Variants in PALD1 observed in about 807,000 individuals in gnomAD.
The protein encoded by PALD1 is paladin.
PALD1 carries 57 observed loss-of-function variants against 96.0 expected under a neutral mutation model. That is an observed-to-expected ratio of 0.59 (90% CI 0.48 to 0.74). The LOEUF is 0.74. PALD1 is among the 30% of genes least tolerant of loss of function. The probability of loss-of-function intolerance (pLI) is 0.00; values close to 1 mark genes in which losing one functional copy is unlikely to be tolerated. For missense variants in PALD1, 1,063 were observed against 1,143.7 expected (o/e 0.93, Z 1.02); for synonymous variants, 464 against 473.6 (o/e 0.98, Z 0.26).
chr10:70,530,636 G>T (rs1846972797), intron 4 of PALD1, among the ~76,000 whole-genome samples: 1 of 152,140 alleles, frequency 6.6e-6, no homozygotes, highest in Non-Finnish European at 1.5e-5. Flanking sequence ...TAGGACACAG[G>T]CTGAGGGTCT....
At position 70,539,802 on chromosome 10, in the gene PALD1, A is replaced by G. The variant is rs766269168; in HGVS notation, c.1908+40A>G. On this transcript the variant is annotated intron_variant, in intron 15 of 19. Transcript: ENST00000263563. This position sits in a 1 kb window ranked among gnomAD's most constrained non-coding sequence, Gnocchi z 4.5. The stretch of plus-strand genomic sequence containing the variant: ...CAGGCTGAGGCCTCTGGGGAGGGAC[A>G]GGAGGCCTCCCTGTCTCCCCTCTGG... The G allele has an allele frequency of 2.7e-6, 4 of 1,508,644 alleles. No homozygotes were observed. The South Asian group carries it at 4.6e-5, about 17-fold the overall frequency. The allele number at this position is 1,508,644 out of a possible 1,614,324, so 93.5% of individuals were successfully genotyped here.
At chr10:70,509,388 A>G (rs1296557734) in intron 1 of PALD1, among the ~76,000 whole-genome samples, 4 of 152,192 alleles carry the variant, frequency 2.6e-5, no homozygotes, top group South Asian at 2.1e-4. Context: ...TCCCTTCCTC[A>G]TAAGGTTGTC....
At chr10:70,526,272 A>C in intron 2 of PALD1, 136 bp downstream of exon 2, 1 of 681,564 alleles carries the variant, frequency 1.5e-6, no homozygotes, top group South Asian at 1.8e-5. Flanking sequence ...ACTGAGGCCC[A>C]GGGAGATGAA....
intron 18 of PALD1, among the ~76,000 whole-genome samples, chr10:70,555,739 C>T (rs556009335): frequency 6.6e-6 from 1 of 152,250 alleles, no homozygotes. Flanking sequence ...CAGTGGCTCC[C>T]GCCTGTAATC....
chr10:70,542,947 GT>G (rs201346586), intron 17 of PALD1, among the ~76,000 whole-genome samples: 30 of 150,814 alleles, frequency 2.0e-4, no homozygotes, highest in African/African-American at 6.8e-4. Flanking sequence ...TCTTTTTTCT[GT>G]TTTTTTTAGA....
intron 1 of PALD1, among the ~76,000 whole-genome samples, chr10:70,506,476 T>C (rs1846394017): frequency 6.6e-6 from 1 of 152,214 alleles, no homozygotes; most frequent in South Asian, 2.1e-4. Context: ...AGATGACAGA[T>C]GCACGGCTGA....
chr10:70,495,149 C>T (rs758383087), intron 1 of PALD1, among the ~76,000 whole-genome samples: 5 of 152,354 alleles, frequency 3.3e-5, no homozygotes, highest in Non-Finnish European at 4.4e-5. Flanking sequence ...CCTCTGCTGC[C>T]GGGCATGTGT....
At chr10:70,545,434 G>T (rs1847342473) in intron 17 of PALD1, among the ~76,000 whole-genome samples, 1 of 152,006 alleles carries the variant, frequency 6.6e-6, no homozygotes. Context: ...AAGGGGGATG[G>T]GGGTCTGGAT....
At chr10:70,551,598 G>A (rs996116433) in intron 18 of PALD1, among the ~76,000 whole-genome samples, 1 of 152,054 alleles carries the variant, frequency 6.6e-6, no homozygotes, top group Non-Finnish European at 1.5e-5. Flanking sequence ...TCACTCCCCA[G>A]AGCCCCCAAA....
intron 1 of PALD1, among the ~76,000 whole-genome samples, chr10:70,509,703 G>A (rs894357978): frequency 2.0e-5 from 3 of 152,202 alleles, no homozygotes; most frequent in Non-Finnish European, 4.4e-5. Flanking sequence ...GGTGAGGGCA[G>A]GGAAGGGCCT....
chr10:70,542,351 A>G (rs1847268437), intron 17 of PALD1, among the ~76,000 whole-genome samples: 1 of 152,214 alleles, frequency 6.6e-6, no homozygotes. Flanking sequence ...TGTTAAGTAC[A>G]TTCACGTTGT....
the PALD1 span, among the ~76,000 whole-genome samples, chr10:70,459,934 C>T: frequency 6.6e-6 from 1 of 152,218 alleles, no homozygotes; most frequent in Non-Finnish European, 1.5e-5. Flanking sequence ...CCTACACTCC[C>T]CGCTTCACGG....
intron 1 of PALD1, among the ~76,000 whole-genome samples, chr10:70,490,933 C>T (rs1311457824): frequency 6.6e-6 from 1 of 152,080 alleles, no homozygotes; most frequent in Admixed American, 6.6e-5. Context: ...TTATTGAAAT[C>T]TGCTTGTAGT....
intron 18 of PALD1, among the ~76,000 whole-genome samples, chr10:70,562,479 G>A (rs1847761440): frequency 6.6e-6 from 1 of 152,228 alleles, no homozygotes; most frequent in Non-Finnish European, 1.5e-5. Flanking sequence ...CCACCCTGGG[G>A]CTAAGGAGGA....
intron 2 of PALD1, among the ~76,000 whole-genome samples, chr10:70,527,062 T>C (rs1246906952): frequency 6.6e-6 from 1 of 152,160 alleles, no homozygotes; most frequent in South Asian, 2.1e-4. Context: ...GGATGTCATA[T>C]AAAAGAGACT....
In PALD1 at chr10:70,531,279, G is replaced by A. The variant is rs368754253; in HGVS notation, c.469-11G>A. ...TGATGATGGCTTCCTTCCCCCTCGGGCTCCTGGCAGGAGTGTGTCATCTTC... is the reference window on the plus strand; with the variant it reads ...TGATGATGGCTTCCTTCCCCCTCGGACTCCTGGCAGGAGTGTGTCATCTTC... On this transcript the variant is annotated splice_polypyrimidine_tract_variant and intron_variant, in intron 4 of 19. Transcript: ENST00000263563. The A allele has an allele frequency of 1.0e-5, 16 of 1,606,388 alleles. No individual in the cohort carries two copies. Among genetic ancestry groups the A allele is most frequent in the Middle Eastern group, 1.7e-4 (1 of 6,038 alleles).
the PALD1 span, among the ~76,000 whole-genome samples, chr10:70,472,305 G>A: frequency 6.6e-6 from 1 of 152,074 alleles, no homozygotes; most frequent in Non-Finnish European, 1.5e-5. Flanking sequence ...TTGTCGCCTG[G>A]GCTGGAGTGC....
At chr10:70,466,201 A>C in the PALD1 span, among the ~76,000 whole-genome samples, 1 of 152,174 alleles carries the variant, frequency 6.6e-6, no homozygotes, top group African/African-American at 2.4e-5. Context: ...GTCTTTTAAA[A>C]AAAATTGTGG....
chr10:70,539,507 C>A lies in PALD1; in HGVS notation c.1726-73C>A, dbSNP rs1847192881. 1.5e-6 allele frequency: 2 copies of A among 1,378,950 alleles called. No homozygotes were observed. The highest frequency in any genetic ancestry group is 1.4e-5 in the African/African-American group (1 of 68,968). 85.4% of individuals were successfully genotyped at this position (1,378,950 alleles called of 1,614,324 possible). ...AAGCCAGGGCCAGGCCTGGCCATGG[C>A]AGGCTGTGGCCTTTCAGGGCTAGCC... On this transcript the variant is annotated intron_variant, in intron 14 of 19. Transcript: ENST00000263563. The surrounding 1 kb of genome is among the most constrained non-coding windows in gnomAD (Gnocchi z 4.5).
Sources: gnomAD v4.1 joint callset for allele counts (sites outside exome capture counted in the v4.1 genomes callset) on GRCh38, gnomAD v4.1.1 for gene constraint, Gnocchi (gnomAD v3.1) non-coding constraint, MANE v1.5 for transcripts, NCBI Gene and HGNC (gene_info 2026-07-23, HGNC 2026-07-21) for gene names.